TBCK: variants seen among roughly 807,000 people sequenced by gnomAD.
TBCK encodes TBC1 domain containing kinase, also known as TBC domain-containing protein kinase-like protein.
TBCK carries 99 observed loss-of-function variants against 113.4 expected under a neutral mutation model. That is an observed-to-expected ratio of 0.87 (90% confidence interval 0.74 to 1.03). The LOEUF is 1.03. Ranked by LOEUF, TBCK falls within the 50% of genes least tolerant of loss-of-function variation. The probability of loss-of-function intolerance (pLI) is 0.00; values close to 1 mark genes in which losing one functional copy is unlikely to be tolerated. For missense variants in TBCK, 1,045 were observed against 1,061.3 expected, an observed-to-expected ratio of 0.98 and a Z score of 0.21; for synonymous variants, 369 against 370.8, an observed-to-expected ratio of 1.00 and a Z score of 0.05.
chr4:106,225,416 A>G (rs151177236), intron 19 of TBCK, among the ~76,000 whole-genome samples: 1 of 152,282 alleles, frequency 6.6e-6, no homozygotes, highest in East Asian at 1.9e-4. Flanking sequence ...GTTAAAATGT[A>G]TTACTGATAA....
intron 19 of TBCK, among the ~76,000 whole-genome samples, chr4:106,227,133 A>C (rs901465538): frequency 2.6e-5 from 4 of 152,102 alleles, no homozygotes; most frequent in African/African-American, 9.6e-5. Context: ...AGAATTGGAC[A>C]CATCTATGTC....
intron 23 of TBCK, among the ~76,000 whole-genome samples, chr4:106,168,249 A>T (rs1750616187): frequency 1.3e-5 from 2 of 151,948 alleles, no homozygotes; most frequent in Admixed American, 1.3e-4. Context: ...AATTCACATG[A>T]TCATACAAAT....
At chr4:106,243,371 C>T (rs991043564) in intron 11 of TBCK, among the ~76,000 whole-genome samples, 8 of 151,964 alleles carry the variant, frequency 5.3e-5, no homozygotes, top group African/African-American at 1.9e-4. Context: ...GGATAGTAAC[C>T]TCATAGAAGA....
At chr4:106,283,380 A>C (rs1579504387) in intron 3 of TBCK, among the ~76,000 whole-genome samples, 1 of 152,142 alleles carries the variant, frequency 6.6e-6, no homozygotes, top group South Asian at 2.1e-4. Context: ...ATATCTTACT[A>C]CTAGAGGGTT....
chr4:106,229,885 G>A (rs541629791), intron 19 of TBCK, among the ~76,000 whole-genome samples: 22 of 151,996 alleles, frequency 1.4e-4, no homozygotes, highest in Admixed American at 4.6e-4. Context: ...AACAGGTTAC[G>A]CTATGACATG....
In TBCK at chr4:106,116,392, T is replaced by A; in HGVS notation, c.2236-14A>T. 3.2e-6 allele frequency: 5 copies of A among 1,576,762 alleles called. No homozygotes were observed. The highest frequency in any genetic ancestry group is 4.3e-6 in the Non-Finnish European group (5 of 1,158,738). On this transcript the variant is annotated splice_polypyrimidine_tract_variant and intron_variant, in intron 23 of 25. Transcript: ENST00000394708. The stretch of plus-strand genomic sequence containing the variant: ...GGATTCTCTTGACTGAAAAAAAAAA[T>A]GTACAAAAAAAAATATTGAGAATAT...
intron 22 of TBCK, among the ~76,000 whole-genome samples, chr4:106,178,769 G>T (rs1309850835): frequency 6.6e-6 from 1 of 151,750 alleles, no homozygotes; most frequent in African/African-American, 2.4e-5. Context: ...TTGGTATTTA[G>T]AATGAGTTTG....
At chr4:106,208,761 A>T (rs1276296608) in intron 20 of TBCK, among the ~76,000 whole-genome samples, 1 of 151,972 alleles carries the variant, frequency 6.6e-6, no homozygotes, top group Non-Finnish European at 1.5e-5. Flanking sequence ...GGGAGAAGGG[A>T]CCTCTGGGCA....
intron 25 of TBCK, among the ~76,000 whole-genome samples, chr4:106,094,379 G>T (rs181535620): frequency 6.6e-6 from 1 of 152,052 alleles, no homozygotes; most frequent in African/African-American, 2.4e-5. Context: ...CTCCCAGGTG[G>T]TAAAATCATG....
chr4:106,087,584 T>C (rs192831181), intron 25 of TBCK, among the ~76,000 whole-genome samples: 200 of 152,326 alleles, frequency 1.3e-3, no homozygotes, highest in Non-Finnish European at 2.2e-3. Flanking sequence ...AAAACTATTT[T>C]AAATTTCATA....
intron 20 of TBCK, among the ~76,000 whole-genome samples, chr4:106,205,880 A>C (rs1165427278): frequency 1.3e-5 from 2 of 152,156 alleles, no homozygotes; most frequent in Admixed American, 6.5e-5. Flanking sequence ...CATATAGTTA[A>C]ACAAGTAAAA....
At chr4:106,187,636 G>A (rs188938157) in intron 22 of TBCK, among the ~76,000 whole-genome samples, 8 of 152,154 alleles carry the variant, frequency 5.3e-5, no homozygotes, top group African/African-American at 7.2e-5. Context: ...GGCTGGTCTC[G>A]AACTCCTGAC....
intron 19 of TBCK, among the ~76,000 whole-genome samples, chr4:106,214,895 C>T (rs2149904510): frequency 6.6e-6 from 1 of 152,080 alleles, no homozygotes; most frequent in South Asian, 2.1e-4. Flanking sequence ...AGAAGAGCAA[C>T]TCCAAGACAC....
chr4:106,268,807 G>T (rs1763222506), intron 3 of TBCK, among the ~76,000 whole-genome samples: 1 of 152,044 alleles, frequency 6.6e-6, no homozygotes, highest in South Asian at 2.1e-4. Flanking sequence ...TCCAAGAAGA[G>T]ATGTTACTCA....
intron 3 of TBCK, 107 bp downstream of exon 3, chr4:106,294,987 T>C (rs1247421514): frequency 1.2e-6 from 1 of 803,164 alleles, no homozygotes; most frequent in Middle Eastern, 2.4e-4. Flanking sequence ...CCTACCTTTA[T>C]CATTAAACAA....
At chr4:106,135,231 G>T (rs1746417939) in intron 23 of TBCK, among the ~76,000 whole-genome samples, 1 of 150,974 alleles carries the variant, frequency 6.6e-6, no homozygotes, top group Non-Finnish European at 1.5e-5. Flanking sequence ...AAAATATATA[G>T]ATATTTTATA....
At chr4:106,189,342 CAAAAAAA>C (rs1189938399) in intron 22 of TBCK, among the ~76,000 whole-genome samples, 3 of 59,452 alleles carry the variant, frequency 5.0e-5, no homozygotes, top group Non-Finnish European at 1.2e-4. Context: ...GACTCCATCT[CAAAAAAA>C]AAAAAAAAAA....
chr4:106,282,882 A>G (rs1323079347), intron 3 of TBCK, among the ~76,000 whole-genome samples: 2 of 152,130 alleles, frequency 1.3e-5, no homozygotes, highest in African/African-American at 4.8e-5. Flanking sequence ...ACTCAGTCAC[A>G]GTAATCAAGA....
At chr4:106,176,751 C>T (rs1240170734) in intron 22 of TBCK, among the ~76,000 whole-genome samples, 3 of 151,834 alleles carry the variant, frequency 2.0e-5, no homozygotes, top group South Asian at 2.1e-4. Flanking sequence ...TTTGAGGAAC[C>T]TCCATACTGT....
Sources: gnomAD v4.1 joint callset for allele counts (sites outside exome capture counted in the v4.1 genomes callset) on GRCh38, gnomAD v4.1.1 for gene constraint, MANE v1.5 for transcripts, NCBI Gene and HGNC (gene_info 2026-07-23, HGNC 2026-07-21) for gene names.